PARD3: variants seen among roughly 807,000 people sequenced by gnomAD.
The protein encoded by PARD3 is partitioning defective 3 homolog.
Under a neutral mutation model 155.4 loss-of-function variants are expected in PARD3, and 75 were observed. The observed-to-expected ratio is 0.48, with a 90% CI of 0.40 to 0.58. PARD3 has a LOEUF of 0.58. PARD3 is among the 20% of genes least tolerant of loss of function. The pLI, the probability that PARD3 is intolerant of heterozygous loss-of-function variation, is 0.00. For missense variants in PARD3, 1,642 were observed against 1,721.7 expected (o/e 0.95, Z 0.82); for synonymous variants, 576 against 610.5 (o/e 0.94, Z 0.83).
At chr10:34,611,000 C>T (rs549728086) in intron 2 of PARD3, among the ~76,000 whole-genome samples, 2 of 152,224 alleles carry the variant, frequency 1.3e-5, no homozygotes, top group African/African-American at 4.8e-5. Flanking sequence ...AAGTAAGTTG[C>T]TTTCTTTTCC....
chr10:34,402,062 G>A (rs1330261240), intron 5 of PARD3, 145 bp from the exon 6 acceptor site: 2 of 699,642 alleles, frequency 2.9e-6, no homozygotes, highest in South Asian at 1.7e-5. Context: ...TTAATGACAG[G>A]ATCAGTGTGT....
In PARD3 at chr10:34,372,441, G is replaced by A. The variant is rs1445805236; in HGVS notation, c.1707+57C>T. On this transcript the variant is annotated intron_variant, in intron 12 of 24. Transcript: ENST00000374788. ...TAACTTCGTATTAAATTAGTAAGAA[G>A]TTAGTTCCATGTATCTTTCCAACAT... is the stretch of plus-strand genomic sequence containing the variant. 5 of 1,270,304 alleles carry A rather than the reference G, an allele frequency of 3.9e-6. No homozygotes were observed. In the African/African-American group the frequency reaches 7.3e-5, roughly 19 times the overall value. The allele number at this position is 1,270,304 out of a possible 1,614,324, so 78.7% of individuals were successfully genotyped here.
chr10:34,663,805 A>G (rs1233672673), intron 2 of PARD3: 4 of 150,298 alleles, frequency 2.7e-5, no homozygotes, highest in African/African-American at 1.0e-4. Context: ...AGAATTCTTT[A>G]AAAGAAAAAA....
rs149886427 is a variant in PARD3 at position 34,386,305 on chromosome 10, A to G, written c.891-2051T>C. Among the ~76,000 whole-genome samples the G allele has an allele frequency of 3.0e-3, 451 of 152,324 alleles. 2 individuals are homozygous for G. Among genetic ancestry groups the G allele is most frequent in the African/African-American group, 0.01 (428 of 41,566 alleles). On this transcript the variant is annotated intron_variant, in intron 7 of 24. Coordinates refer to ENST00000374788, the MANE Select transcript of PARD3 (RefSeq NM_001184785.2). The stretch of plus-strand genomic sequence containing the variant: ...ATTATCATTTATTGCAGCTATATAA[A>G]GACATAAAATTATCTCAACTCAAAG...
intron 1 of PARD3, among the ~76,000 whole-genome samples, chr10:34,807,746 T>C (rs1843584819): frequency 6.6e-6 from 1 of 152,116 alleles, no homozygotes; most frequent in Non-Finnish European, 1.5e-5. Flanking sequence ...AGAGACTATA[T>C]ACAAAATATA....
intron 19 of PARD3, among the ~76,000 whole-genome samples, chr10:34,324,935 C>A (rs1958595774): frequency 6.6e-6 from 1 of 152,144 alleles, no homozygotes; most frequent in African/African-American, 2.4e-5. Context: ...TCTCAATAAG[C>A]CACCCTCTAC....
chr10:34,483,796 C>G (rs775357017), intron 3 of PARD3, among the ~76,000 whole-genome samples: 7 of 152,150 alleles, frequency 4.6e-5, no homozygotes, highest in Non-Finnish European at 1.0e-4. Context: ...AATACTCAAC[C>G]ACTGCTCCTA....
intron 1 of PARD3, among the ~76,000 whole-genome samples, chr10:34,806,047 TAGAGAC>T (rs962995630): frequency 3.0e-4 from 45 of 151,234 alleles, no homozygotes; most frequent in African/African-American, 1.1e-3. Context: ...TTTTTTCTGT[TAGAGAC>T]AGAGTCTCGC....
intron 15 of PARD3, 120 bp downstream of exon 15, chr10:34,347,841 CATTA>C (rs1837592216): frequency 3.0e-6 from 2 of 674,384 alleles, no homozygotes; most frequent in Admixed American, 4.0e-5. Flanking sequence ...GTCTTGAAAA[CATTA>C]ATATTTTTAT....
At chr10:34,376,712 A>T (rs1354773758) in intron 10 of PARD3, among the ~76,000 whole-genome samples, 2 of 152,192 alleles carry the variant, frequency 1.3e-5, no homozygotes, top group Non-Finnish European at 2.9e-5. Context: ...AAAAATACAG[A>T]CGGTATCCCT....
intron 1 of PARD3, among the ~76,000 whole-genome samples, chr10:34,736,355 G>T (rs1285136637): frequency 3.5e-5 from 5 of 143,858 alleles, no homozygotes; most frequent in Non-Finnish European, 7.5e-5. Flanking sequence ...TGGTGATAGG[G>T]TCTTGCTCTG....
At position 34,783,535 on chromosome 10, in the gene PARD3, C is replaced by T. The variant is rs547941602; in HGVS notation, c.120+31341G>A. On this transcript the variant is annotated intron_variant, in intron 1 of 24. Coordinates refer to ENST00000374788, the MANE Select transcript of PARD3 (RefSeq NM_001184785.2). ...AGGAGAATGGCGTGAACCCGGGAGG[C>T]GGAGCTTGCAGTGAGTTGAGATCAC... Among the ~76,000 whole-genome samples, 92 of 132,032 alleles carry T rather than the reference C, an allele frequency of 7.0e-4. 1 individual carries two copies. In the South Asian group the frequency reaches 0.02, roughly 28 times the overall value. The allele number at this position is 132,032 out of a possible 152,430, so 86.6% of individuals were successfully genotyped here.
At chr10:34,783,563 C>CACTGTGCTCCA (rs1840535974) in intron 1 of PARD3, among the ~76,000 whole-genome samples, 1 of 142,888 alleles carries the variant, frequency 7.0e-6, no homozygotes, top group Non-Finnish European at 1.5e-5. Flanking sequence ...GAGATCACGC[C>CACTGTGCTCCA]ACTGTGCTCC....
chr10:34,666,027 A>C (rs889438510), intron 2 of PARD3, among the ~76,000 whole-genome samples: 1 of 151,768 alleles, frequency 6.6e-6, no homozygotes, highest in African/African-American at 2.4e-5. Context: ...CAGCTTGACA[A>C]CCAAGTGAGA....
intron 1 of PARD3, among the ~76,000 whole-genome samples, chr10:34,705,415 G>A (rs2094348437): frequency 6.6e-6 from 1 of 151,744 alleles, no homozygotes; most frequent in Non-Finnish European, 1.5e-5. Flanking sequence ...TTGAGCCCGG[G>A]AGGTGGACAA....
At chr10:34,332,153 A>ATTTTTTATTTTTTTTT (rs1304516981) in intron 18 of PARD3, among the ~76,000 whole-genome samples, 1 of 152,200 alleles carries the variant, frequency 6.6e-6, no homozygotes, top group Non-Finnish European at 1.5e-5. Flanking sequence ...GACAGGGACA[A>ATTTTTTATTTTTTTTT]ATTCCGGGAA....
intron 1 of PARD3, among the ~76,000 whole-genome samples, chr10:34,783,866 T>A (rs1840598054): frequency 6.6e-6 from 1 of 152,102 alleles, no homozygotes; most frequent in Non-Finnish European, 1.5e-5. Context: ...ACTCATTAAG[T>A]GGTTTTTCAA....
intron 24 of PARD3, among the ~76,000 whole-genome samples, chr10:34,119,135 G>A (rs1434134291): frequency 6.6e-6 from 1 of 152,140 alleles, no homozygotes; most frequent in Non-Finnish European, 1.5e-5. Flanking sequence ...CAGTGATGAT[G>A]GGACAGTAAG....
chr10:34,460,425 T>C (rs946622808), intron 4 of PARD3, among the ~76,000 whole-genome samples: 7 of 152,214 alleles, frequency 4.6e-5, no homozygotes, highest in African/African-American at 1.7e-4. Context: ...AGCACATTTA[T>C]ATCACAACTT....
Sources: allele counts gnomAD v4.1 joint callset (sites outside exome capture counted in the v4.1 genomes callset), GRCh38; gene constraint gnomAD v4.1.1; transcripts MANE v1.5; gene names NCBI Gene and HGNC (gene_info 2026-07-23, HGNC 2026-07-21).